The following FMN2 variants were observed in gnomAD, a reference collection of about 807,000 sequenced individuals.
FMN2 encodes formin-2.
A neutral mutation model predicts 142.3 loss-of-function variants in FMN2; 51 were observed. The ratio of observed to expected loss-of-function variants is 0.36; its 90% CI spans 0.29 to 0.45. The LOEUF is 0.45. Ranked by LOEUF, FMN2 falls within the 20% of genes least tolerant of loss-of-function variation. FMN2 has a pLI of 1.00. For missense variants in FMN2, 1,936 were observed against 2,122.8 expected, an observed-to-expected ratio of 0.91 and a Z score of 1.73; for synonymous variants, 882 against 869.8, an observed-to-expected ratio of 1.01 and a Z score of -0.25.
At chr1:240,174,799 A>G (rs929750113) in intron 2 of FMN2, among the ~76,000 whole-genome samples, 5 of 152,190 alleles carry the variant, frequency 3.3e-5, no homozygotes, top group Admixed American at 3.3e-4. Context: ...TACTGTTTTT[A>G]AAAAAATTAT....
At chr1:240,152,306 TAAA>T (rs5782121) in intron 2 of FMN2, among the ~76,000 whole-genome samples, 1 of 145,954 alleles carries the variant, frequency 6.9e-6, no homozygotes, top group African/African-American at 2.5e-5. Context: ...CGAGCTCATT[TAAA>T]AAAAAAAAAG....
rs79522241 is a variant in FMN2, at chr1:240,110,378, G to T, written c.1616-12801G>T. 2.0e-5 allele frequency among the ~76,000 whole-genome samples: 3 copies of T among 152,324 alleles called. No individual in the cohort carries two copies. In the East Asian group the frequency reaches 5.8e-4, roughly 29 times the overall value. ...CAGAGCTGACAGTAGATGCAGAAATGCCTTTTACATTGTATAGCCCTGTTC... is the reference window on the plus strand; with the variant it reads ...CAGAGCTGACAGTAGATGCAGAAATTCCTTTTACATTGTATAGCCCTGTTC... On this transcript the variant is annotated intron_variant, in intron 1 of 17. Coordinates refer to ENST00000319653, the MANE Select transcript of FMN2 (RefSeq NM_020066.5).
chr1:240,304,742 G>C (rs1394080226), intron 8 of FMN2, among the ~76,000 whole-genome samples: 1 of 152,188 alleles, frequency 6.6e-6, no homozygotes, highest in Non-Finnish European at 1.5e-5. Flanking sequence ...TATTTGGAAG[G>C]TGAGGACATT....
chr1:240,097,357 CTT>C (rs534995077), intron 1 of FMN2, among the ~76,000 whole-genome samples: 15 of 131,064 alleles, frequency 1.1e-4, no homozygotes, highest in Non-Finnish European at 9.9e-5. Context: ...TTATAGCTGC[CTT>C]TTTTTTTTTT....
At position 240,401,140 on chromosome 1, in the gene FMN2, A is replaced by C. The variant is rs1250791689; in HGVS notation, c.4910+8578A>C. Reference sequence around the variant, plus strand: ...ACCCCATCTAAAAAAAAAAAAAAAAACATAGACATGCACATACACATATAC... The same window carrying C: ...ACCCCATCTAAAAAAAAAAAAAAAACCATAGACATGCACATACACATATAC... On this transcript the variant is annotated intron_variant, in intron 15 of 17. Transcript: ENST00000319653. 4.0e-5 allele frequency: 6 copies of C among 149,994 alleles called. No homozygotes were observed. The East Asian group carries it at 9.8e-4, about 25-fold the overall frequency. The allele number at this position is 149,994 out of a possible 1,614,324, so 9.3% of individuals were successfully genotyped here. A position where few individuals can be genotyped will look rare whatever the true frequency, so the allele number is the denominator to read the frequency against.
chr1:240,255,494 A>C lies in FMN2; in HGVS notation c.4066-2451A>C, dbSNP rs1036355553. Among the ~76,000 whole-genome samples, 8 of 152,326 alleles carry C rather than the reference A, an allele frequency of 5.3e-5. No homozygotes were observed. The South Asian group carries it at 1.7e-3, about 32-fold the overall frequency. ...TCTTTTGCATTTATCTATGTAAGAT[A>C]AAGTATAGAACTAAATGCTGAAAAT... On this transcript the variant is annotated intron_variant, in intron 6 of 17. Transcript: ENST00000319653.
intron 13 of FMN2, among the ~76,000 whole-genome samples, chr1:240,335,511 TAC>T: frequency 6.6e-6 from 1 of 152,326 alleles, no homozygotes; most frequent in East Asian, 1.9e-4. Context: ...TTATGAAATT[TAC>T]ACACACTATG....
At chr1:240,317,111 G>T (rs1256786298) in intron 8 of FMN2, among the ~76,000 whole-genome samples, 3 of 152,110 alleles carry the variant, frequency 2.0e-5, no homozygotes, top group African/African-American at 7.2e-5. Context: ...AAGGTCAAGA[G>T]ATTGAGACCA....
At chr1:240,171,537 A>T (rs974278837) in intron 2 of FMN2, among the ~76,000 whole-genome samples, 1 of 152,248 alleles carries the variant, frequency 6.6e-6, no homozygotes, top group Non-Finnish European at 1.5e-5. Context: ...TACAAAAAAA[A>T]TACAGACTAT....
At position 240,336,283 on chromosome 1, in the gene FMN2, G is replaced by A. The variant is rs2103022756; in HGVS notation, c.4765+2054G>A. On this transcript the variant is annotated intron_variant, in intron 13 of 17. Transcript: ENST00000319653. ...TTGGTAGCACAGAAGATTAGATATT[G>A]AAGGAGCATCTTAGCAATTTTTGAG... is the stretch of plus-strand genomic sequence containing the variant. Among the ~76,000 whole-genome samples the A allele has an allele frequency of 2.6e-5, 4 of 152,272 alleles. 1 individual carries two copies. In the Middle Eastern group the frequency reaches 0.01, roughly 388 times the overall value.
chr1:240,281,005 C>T (rs2045349), intron 7 of FMN2, among the ~76,000 whole-genome samples: 44,237 of 151,830 alleles, frequency 0.29, 6,889 homozygotes, highest in Admixed American at 0.47. Flanking sequence ...CCATTTTTTT[C>T]CCTCCTGCCT....
chr1:240,213,032 G>C (rs776314412), intron 6 of FMN2, among the ~76,000 whole-genome samples: 1 of 152,058 alleles, frequency 6.6e-6, no homozygotes, highest in Non-Finnish European at 1.5e-5. Context: ...AAGACTGTAG[G>C]ATTTCATTCT....
At chr1:240,456,963 C>G (rs1238907527) in intron 16 of FMN2, among the ~76,000 whole-genome samples, 1 of 152,138 alleles carries the variant, frequency 6.6e-6, no homozygotes, top group Non-Finnish European at 1.5e-5. Context: ...TTTCTATTGC[C>G]CTGACATAAA....
intron 2 of FMN2, among the ~76,000 whole-genome samples, chr1:240,127,448 A>G (rs967195583): frequency 2.7e-5 from 4 of 150,220 alleles, no homozygotes. Flanking sequence ...TTTCATGTGG[A>G]TCACCTGGCC....
chr1:240,190,693 A>G (rs1665664500), intron 4 of FMN2, among the ~76,000 whole-genome samples: 1 of 152,222 alleles, frequency 6.6e-6, no homozygotes, highest in African/African-American at 2.4e-5. Context: ...TAAAAATTAT[A>G]CTTTTACATG....
rs1666373211 is a variant in FMN2 at position 240,206,927 on chromosome 1, C to T, written c.2115C>T (p.Ala705=). 5 of 1,614,098 alleles carry T rather than the reference C, an allele frequency of 3.1e-6. No individual in the cohort carries two copies. The highest frequency in any genetic ancestry group is 1.1e-5 in the South Asian group (1 of 91,074). ...RQYPALDTEV[A]SGHQGLENGV... is the part of the protein sequence containing the mutation. ...ATCCTGCCCTGGACACAGAGGTGGCCAGTGGTCATCAAGGGCTTGAGAATG... is the reference window on the plus strand; with the variant it reads ...ATCCTGCCCTGGACACAGAGGTGGCTAGTGGTCATCAAGGGCTTGAGAATG... The change falls in exon 5 of 18, where the codon GCC becomes GCT. Residue 705 remains alanine, a synonymous_variant. Coordinates refer to ENST00000319653, the MANE Select transcript of FMN2 (RefSeq NM_020066.5).
At chr1:240,423,578 T>C (rs945165744) in intron 15 of FMN2, among the ~76,000 whole-genome samples, 1 of 152,208 alleles carries the variant, frequency 6.6e-6, no homozygotes, top group African/African-American at 2.4e-5. Context: ...TAAAGTCTCA[T>C]TTGGTACTCA....
intron 13 of FMN2, among the ~76,000 whole-genome samples, chr1:240,335,991 A>G (rs934460815): frequency 7.3e-5 from 11 of 151,660 alleles, no homozygotes; most frequent in African/African-American, 2.7e-4. Flanking sequence ...TAAAAATACA[A>G]AATTAGCCAG....
At chr1:240,286,943 G>A (rs770721413) in intron 7 of FMN2, among the ~76,000 whole-genome samples, 1 of 152,084 alleles carries the variant, frequency 6.6e-6, no homozygotes, top group African/African-American at 2.4e-5. Flanking sequence ...GTTATTTGTC[G>A]ATGTGTCTTT....
Sources: allele counts gnomAD v4.1 joint callset (sites outside exome capture counted in the v4.1 genomes callset), GRCh38; gene constraint gnomAD v4.1.1; transcripts MANE v1.5; gene names NCBI Gene and HGNC (gene_info 2026-07-23, HGNC 2026-07-21).